The following EIF3K variants were observed in gnomAD, a reference collection of about 807,000 sequenced individuals.
EIF3K encodes eukaryotic translation initiation factor 3 subunit K, also known as eIF-3 p28.
Under a neutral mutation model 34.2 loss-of-function variants are expected in EIF3K, and 27 were observed. The observed-to-expected ratio is 0.79, with a 90% CI of 0.58 to 1.09. EIF3K has a LOEUF of 1.09. EIF3K is among the 50% of genes least tolerant of loss of function. EIF3K has a pLI of 0.00. For missense variants in EIF3K, 232 were observed against 275.4 expected, an observed-to-expected ratio of 0.84 and a Z score of 1.11; for synonymous variants, 105 against 105.7, an observed-to-expected ratio of 0.99 and a Z score of 0.04.
In EIF3K at chr19:38,624,169, T is replaced by A; in HGVS notation, c.251T>A (p.Leu84Gln). 1 of 1,614,164 alleles carries A rather than the reference T, an allele frequency of 6.2e-7. No homozygotes were observed. The highest frequency in any genetic ancestry group is 8.5e-7 in the Non-Finnish European group (1 of 1,180,008). The change falls in exon 3 of 8, where the codon CTG becomes CAG. Residue 84 changes from leucine to glutamine, a missense_variant. Transcript: ENST00000248342. ...LTNLPHTDFT[L>Q]CKCMIDQAHQ... ...AACTTGCCGCACACAGACTTCACCC[T>A]GTGCAAGTGCATGATCGACCAGGCA...
intron 2 of EIF3K, among the ~76,000 whole-genome samples, chr19:38,621,890 G>GGT (rs1975848276): frequency 3.3e-5 from 5 of 149,750 alleles, no homozygotes; most frequent in Admixed American, 3.3e-4. Context: ...GGACATTGTG[G>GGT]GTTCTTCGTG....
intron 6 of EIF3K, among the ~76,000 whole-genome samples, chr19:38,633,441 G>A (rs1976114609): frequency 6.6e-6 from 1 of 152,218 alleles, no homozygotes; most frequent in Non-Finnish European, 1.5e-5. Flanking sequence ...GCTCCCGCCT[G>A]TAATCCAGCA....
intron 4 of EIF3K, chr19:38,628,440 C>G (rs139141066): frequency 3.9e-5 from 6 of 152,620 alleles, no homozygotes; most frequent in African/African-American, 1.4e-4. Context: ...AGCTCACCCC[C>G]ACAGGGTCTC....
At chr19:38,627,597 C>T (rs1975975515) in intron 4 of EIF3K, among the ~76,000 whole-genome samples, 1 of 151,744 alleles carries the variant, frequency 6.6e-6, no homozygotes, top group African/African-American at 2.4e-5. Context: ...CCAGTGGGTT[C>T]AACCTCACCC....
chr19:38,624,589 T>C (rs1379711445), intron 3 of EIF3K, among the ~76,000 whole-genome samples: 1 of 152,008 alleles, frequency 6.6e-6, no homozygotes, highest in Non-Finnish European at 1.5e-5. Context: ...ATACAAAAAA[T>C]TAGCCAGGCA....
At chr19:38,632,550 G>A in intron 5 of EIF3K, 51 bp from the exon 6 acceptor site, 1 of 1,613,676 alleles carries the variant, frequency 6.2e-7, no homozygotes, top group Non-Finnish European at 8.5e-7. Flanking sequence ...GGGAGTGGCA[G>A]CCAGGTCCGG....
intron 7 of EIF3K, 55 bp from the exon 8 acceptor site, chr19:38,636,834 T>G (rs1976202246): frequency 6.2e-7 from 1 of 1,605,398 alleles, no homozygotes; most frequent in Admixed American, 1.7e-5. Flanking sequence ...AGCAGGTGGC[T>G]GGAGGTTTGT....
intron 2 of EIF3K, among the ~76,000 whole-genome samples, chr19:38,620,735 A>C (rs1167611397): frequency 6.6e-6 from 1 of 151,998 alleles, no homozygotes; most frequent in African/African-American, 2.4e-5. Context: ...CTTTACTAAA[A>C]AATACCAAAT....
At chr19:38,633,021 G>A in intron 6 of EIF3K, 1 of 253,548 alleles carries the variant, frequency 3.9e-6, no homozygotes, top group Non-Finnish European at 7.6e-6. Context: ...CTGTCATGAA[G>A]GAAAGCAAGA....
chr19:38,632,826 A>G, intron 6 of EIF3K, 148 bp downstream of exon 6: 1 of 660,160 alleles, frequency 1.5e-6, no homozygotes, highest in Non-Finnish European at 2.5e-6. Flanking sequence ...AACTTGGTAT[A>G]AGACAGTCTC....
chr19:38,622,465 G>A (rs1222944146), intron 2 of EIF3K, among the ~76,000 whole-genome samples: 1 of 152,226 alleles, frequency 6.6e-6, no homozygotes, highest in African/African-American at 2.4e-5. Context: ...GTGCGAATAG[G>A]TGTGGGCGAC....
chr19:38,627,072 C>T (rs889226667), intron 4 of EIF3K, among the ~76,000 whole-genome samples: 11 of 152,066 alleles, frequency 7.2e-5, no homozygotes, highest in African/African-American at 2.7e-4. Flanking sequence ...CTGCAACTGC[C>T]GCCTCCCGAG....
At chr19:38,620,508 G>T (rs1476908496) in intron 2 of EIF3K, 73 bp downstream of exon 2, 1 of 1,315,190 alleles carries the variant, frequency 7.6e-7, no homozygotes, top group Admixed American at 1.9e-5. Context: ...ACAGGGCAAG[G>T]GGGTGGCTGG....
chr19:38,619,241 G>A lies in EIF3K; in HGVS notation c.-28G>A. On this transcript the variant is annotated 5_prime_UTR_variant, in exon 1 of 8. Coordinates refer to ENST00000248342, the MANE Select transcript of EIF3K (RefSeq NM_013234.4). ...CGTGCCGGGTCAGTGTTAGCCTCCA[G>A]CCCTGGTTGTGGAAGGCGACAGAAG... The A allele has an allele frequency of 1.9e-6, 3 of 1,613,542 alleles. No homozygotes were observed. Among genetic ancestry groups the A allele is most frequent in the South Asian group, 1.1e-5 (1 of 91,000 alleles).
chr19:38,620,382 G>T lies in EIF3K; in HGVS notation c.105G>T (p.Thr35=), dbSNP rs756123388. Residue 35 remains threonine, a synonymous_variant, in exon 2 of 8, where the codon ACG becomes ACT. Transcript: ENST00000248342. ...NLATLERYVE[T]QAKENAYDLE... is the part of the protein sequence containing the mutation. ...CCACCCTGGAGCGCTATGTAGAGAC[G>T]CAGGCCAAGGAAAATGCCTATGATC... 3 of 1,614,050 alleles carry T rather than the reference G, an allele frequency of 1.9e-6. No homozygotes were observed. Among genetic ancestry groups the T allele is most frequent in the Non-Finnish European group, 2.5e-6 (3 of 1,179,998 alleles).
chr19:38,623,098 T>C (rs1388165481), intron 2 of EIF3K, among the ~76,000 whole-genome samples: 2 of 152,192 alleles, frequency 1.3e-5, no homozygotes, highest in Non-Finnish European at 2.9e-5. Flanking sequence ...AAGACAGGCA[T>C]AGGAAATCAC....
At chr19:38,621,561 T>A (rs1181018329) in intron 2 of EIF3K, among the ~76,000 whole-genome samples, 1 of 152,222 alleles carries the variant, frequency 6.6e-6, no homozygotes, top group Non-Finnish European at 1.5e-5. Flanking sequence ...CTTTGCCCCC[T>A]ATGCTCTATG....
Position 38,620,444 on chromosome 19 carries a change from C to T in EIF3K, c.158+9C>T. ...CTGGCTGTCCTGAAGCTGTAAGTGT[C>T]TAGCTCTCTGTCTACACTCCCATTG... is the stretch of plus-strand genomic sequence containing the variant. On this transcript the variant is annotated intron_variant, in intron 2 of 7. Coordinates refer to ENST00000248342, the MANE Select transcript of EIF3K (RefSeq NM_013234.4). 1 of 1,612,188 alleles carries T rather than the reference C, an allele frequency of 6.2e-7. No individual in the cohort carries two copies. The highest frequency in any genetic ancestry group is 8.5e-7 in the Non-Finnish European group (1 of 1,178,786).
intron 6 of EIF3K, 107 bp downstream of exon 6, chr19:38,632,785 C>T (rs1006450937): frequency 5.1e-6 from 5 of 983,058 alleles, no homozygotes; most frequent in Non-Finnish European, 7.4e-6. Flanking sequence ...ATCAGGTCAG[C>T]ATGGAAGGCC....
Sources: allele counts gnomAD v4.1 joint callset (sites outside exome capture counted in the v4.1 genomes callset), GRCh38; gene constraint gnomAD v4.1.1; transcripts MANE v1.5; gene names NCBI Gene and HGNC (gene_info 2026-07-23, HGNC 2026-07-21).